HOOK1: variants seen among roughly 807,000 people sequenced by gnomAD.
HOOK1 encodes the protein protein Hook homolog 1.
HOOK1 carries 60 observed loss-of-function variants against 112.8 expected under a neutral mutation model. The ratio of observed to expected loss-of-function variants is 0.53; its 90% CI spans 0.43 to 0.66. The LOEUF (loss-of-function observed/expected upper bound fraction) is 0.66. Among genes scored for constraint, HOOK1 ranks in the 30% least tolerant of loss-of-function variants. The probability of loss-of-function intolerance (pLI) is 0.00; values close to 1 mark genes in which losing one functional copy is unlikely to be tolerated. For missense variants in HOOK1, 770 were observed against 856.0 expected, an observed-to-expected ratio of 0.90 and a Z score of 1.25; for synonymous variants, 294 against 283.8, an observed-to-expected ratio of 1.04 and a Z score of -0.36.
At chr1:59,817,496 T>C (rs1402448097) in intron 1 of HOOK1, among the ~76,000 whole-genome samples, 1 of 152,188 alleles carries the variant, frequency 6.6e-6, no homozygotes, top group Admixed American at 6.5e-5. Flanking sequence ...TTTTTTTTAA[T>C]TAACTAATTA....
chr1:59,870,838 G>T (rs1045144822), intron 20 of HOOK1: 6 of 457,520 alleles, frequency 1.3e-5, no homozygotes, highest in Admixed American at 3.8e-5. Context: ...TGAAATAAAG[G>T]TTTATTAGTC....
At chr1:59,865,378 A>G (rs571233592) in intron 18 of HOOK1, 133 bp downstream of exon 18, 4 of 509,856 alleles carry the variant, frequency 7.8e-6, no homozygotes, top group South Asian at 4.3e-5. Context: ...AAGGACTATG[A>G]TAATTTTTAG....
At chr1:59,833,112 A>T (rs2098395208) in intron 4 of HOOK1, among the ~76,000 whole-genome samples, 1 of 152,142 alleles carries the variant, frequency 6.6e-6, no homozygotes, top group Non-Finnish European at 1.5e-5. Flanking sequence ...CATAAGTTTT[A>T]TCATAGTAGA....
chr1:59,851,548 A>G (rs548400085), intron 12 of HOOK1, among the ~76,000 whole-genome samples: 2 of 151,652 alleles, frequency 1.3e-5, no homozygotes, highest in South Asian at 2.1e-4. Context: ...TTTACTAGTT[A>G]TAGTTTTTTG....
intron 20 of HOOK1, among the ~76,000 whole-genome samples, 163 bp downstream of exon 20, chr1:59,868,514 T>C (rs557260373): frequency 6.6e-6 from 1 of 152,358 alleles, no homozygotes; most frequent in East Asian, 1.9e-4. Context: ...GGCCGCCCAA[T>C]AGATGCTCTG....
At chr1:59,854,376 A>C (rs1022358590) in intron 12 of HOOK1, among the ~76,000 whole-genome samples, 5 of 151,904 alleles carry the variant, frequency 3.3e-5, no homozygotes, top group Admixed American at 1.3e-4. Context: ...GTATATAGTT[A>C]CCTCTGTTGG....
Position 59,855,957 on chromosome 1 carries a change from T to TAAAAAAAAAAA in HOOK1, c.1243-2470_1243-2469insAAAAAAAAAAA, listed in dbSNP as rs1418665294. Among the ~76,000 whole-genome samples, 465 of 104,378 alleles carry TAAAAAAAAAAA rather than the reference T, an allele frequency of 4.5e-3. 10 individuals are homozygous for TAAAAAAAAAAA. The highest frequency in any genetic ancestry group is 0.019 in the African/African-American group (435 of 23,190). 68.5% of individuals were successfully genotyped at this position (104,378 alleles called of 152,430 possible). On this transcript the variant is annotated intron_variant, in intron 12 of 21. Transcript: ENST00000371208. ...CCCAGCTAATTTATATATATATATA[T>TAAAAAAAAAAA]ATAAATTATTATATATATATATATA...
rs895039061 is a variant in HOOK1 at position 59,846,973 on chromosome 1, C to T, written c.789-72C>T. 22 of 1,217,806 alleles carry T rather than the reference C, an allele frequency of 1.8e-5. No homozygotes were observed. In the African/African-American group the frequency reaches 3.1e-4, roughly 17 times the overall value. The allele number at this position is 1,217,806 out of a possible 1,614,324, so 75.4% of individuals were successfully genotyped here. A position where few individuals can be genotyped will look rare whatever the true frequency, so the allele number is the denominator to read the frequency against. ...TTATATATGCATTTGCATATATAGT[C>T]ATGCAAGTTACAATTATATAATTAT... On this transcript the variant is annotated intron_variant, in intron 9 of 21. Transcript: ENST00000371208.
intron 7 of HOOK1, among the ~76,000 whole-genome samples, chr1:59,839,656 C>G (rs1379946892): frequency 1.3e-5 from 2 of 152,170 alleles, no homozygotes; most frequent in East Asian, 1.9e-4. Context: ...TTGGCTTCCT[C>G]TCTTCCTATT....
At chr1:59,815,266 G>A in intron 1 of HOOK1, 86 bp downstream of exon 1, 1 of 1,289,350 alleles carries the variant, frequency 7.8e-7, no homozygotes, top group Non-Finnish European at 1.1e-6. Context: ...GTGAGCTGGG[G>A]CTACCTGCAC....
intron 2 of HOOK1, among the ~76,000 whole-genome samples, chr1:59,822,551 C>A (rs1279289689): frequency 2.0e-5 from 3 of 152,110 alleles, no homozygotes. Context: ...TTTCTAAATC[C>A]ATTTTTCCCC....
chr1:59,817,183 A>G (rs1014767800), intron 1 of HOOK1, among the ~76,000 whole-genome samples: 1 of 152,226 alleles, frequency 6.6e-6, no homozygotes, highest in Non-Finnish European at 1.5e-5. Flanking sequence ...AACAGAGAAC[A>G]AAGAGCCACT....
chr1:59,859,738 A>G (rs2098412565), intron 14 of HOOK1, among the ~76,000 whole-genome samples: 1 of 151,996 alleles, frequency 6.6e-6, no homozygotes, highest in South Asian at 2.1e-4. Flanking sequence ...AAACTTTCTT[A>G]TTGCCATTAT....
At chr1:59,846,556 TTCCTTCCTTCC>T (rs2098403947) in intron 9 of HOOK1, among the ~76,000 whole-genome samples, 1 of 53,586 alleles carries the variant, frequency 1.9e-5, no homozygotes, top group African/African-American at 8.3e-5. Flanking sequence ...CCTTCCTTCC[TTCCTTCCTTCC>T]TTCCTTCCTT....
At chr1:59,828,258 C>T (rs945427910) in intron 2 of HOOK1, among the ~76,000 whole-genome samples, 3 of 152,152 alleles carry the variant, frequency 2.0e-5, no homozygotes, top group African/African-American at 7.2e-5. Context: ...TAAAACTAAA[C>T]TTGTCTTTGT....
chr1:59,814,964 T>C lies in HOOK1; in HGVS notation c.-154T>C, dbSNP rs2101993926. On this transcript the variant is annotated 5_prime_UTR_variant, in exon 1 of 22. Transcript: ENST00000371208. ...TGAGGAGGGGGTGACGCCGGACGCG[T>C]CGACAGCGCGAGGGTTCGCGCGTGA... 1 of 695,298 alleles carries C rather than the reference T, an allele frequency of 1.4e-6. No homozygotes were observed. The highest frequency in any genetic ancestry group is 2.4e-6 in the Non-Finnish European group (1 of 423,344). The allele number at this position is 695,298 out of a possible 1,614,324, so 43.1% of individuals were successfully genotyped here. A position where few individuals can be genotyped will look rare whatever the true frequency, so the allele number is the denominator to read the frequency against.
In HOOK1 at chr1:59,862,738, T is replaced by C; in HGVS notation, c.1533-46T>C. ...TGTACCTTTGTAGATCCTTAACTGC[T>C]TTGACTTTCAATACAAGTAAATGCT... On this transcript the variant is annotated intron_variant, in intron 15 of 21. Transcript: ENST00000371208. 3.4e-6 allele frequency: 4 copies of C among 1,185,492 alleles called. No homozygotes were observed. The South Asian group carries it at 5.1e-5, about 15-fold the overall frequency. The allele number at this position is 1,185,492 out of a possible 1,614,324, so 73.4% of individuals were successfully genotyped here. A position where few individuals can be genotyped will look rare whatever the true frequency, so the allele number is the denominator to read the frequency against.
At chr1:59,823,177 A>G (rs1005871652) in intron 2 of HOOK1, among the ~76,000 whole-genome samples, 21 of 152,100 alleles carry the variant, frequency 1.4e-4, no homozygotes, top group East Asian at 3.9e-4. Flanking sequence ...AAAATTAGCC[A>G]GGCATGGTGG....
In HOOK1 at chr1:59,857,936, A is replaced by G. The variant is rs184496263; in HGVS notation, c.1243-492A>G. ...AGTTTCACAACAGTGGTAAAAAGTA[A>G]CTAGTCTCCAGCGTCTCTTACACAC... On this transcript the variant is annotated intron_variant, in intron 12 of 21. Coordinates refer to ENST00000371208, the MANE Select transcript of HOOK1 (RefSeq NM_015888.6). Among the ~76,000 whole-genome samples, 372 of 152,334 alleles carry G rather than the reference A, an allele frequency of 2.4e-3. 2 individuals are homozygous for G. Among genetic ancestry groups the G allele is most frequent in the Non-Finnish European group, 4.0e-3 (271 of 68,040 alleles).
Sources: allele counts gnomAD v4.1 joint callset (sites outside exome capture counted in the v4.1 genomes callset), GRCh38; gene constraint gnomAD v4.1.1; transcripts MANE v1.5; gene names NCBI Gene and HGNC (gene_info 2026-07-23, HGNC 2026-07-21).